Variants in NREP observed in about 807,000 individuals in gnomAD.
NREP encodes neuronal regeneration-related protein.
In NREP, 5 loss-of-function variants were observed where a neutral mutation model predicts 8.6. The ratio of observed to expected loss-of-function variants is 0.58; its 90% CI spans 0.30 to 1.22. NREP has a LOEUF of 1.22. Ranked by LOEUF, NREP falls within the 50% of genes most tolerant of loss-of-function variation. The probability of loss-of-function intolerance (pLI) is 0.07; values close to 1 mark genes in which losing one functional copy is unlikely to be tolerated. For synonymous variants in NREP, 27 were observed against 28.0 expected, an observed-to-expected ratio of 0.96 and a Z score of 0.11; for missense variants, 86 against 82.5, an observed-to-expected ratio of 1.04 and a Z score of -0.17.
At chr5:111,968,431 ACT>A (rs1756708224) in intron 2 of NREP, among the ~76,000 whole-genome samples, 1 of 152,214 alleles carries the variant, frequency 6.6e-6, no homozygotes, top group Non-Finnish European at 1.5e-5. Context: ...AAAAATGAGC[ACT>A]GTTTTAAAAT....
chr5:111,949,362 AT>A (rs5870477), intron 2 of NREP, among the ~76,000 whole-genome samples: 63,484 of 149,902 alleles, frequency 0.42, 13,734 homozygotes, highest in South Asian at 0.62. Context: ...AGCCCTAGGG[AT>A]TTTTTTTTTT....
chr5:111,973,140 C>G (rs921715834), intron 2 of NREP, among the ~76,000 whole-genome samples: 3 of 152,038 alleles, frequency 2.0e-5, no homozygotes, highest in Admixed American at 6.6e-5. Flanking sequence ...GACTTCTTTC[C>G]TCTGTATTTT....
chr5:111,769,287 C>T (rs142406588), intron 2 of NREP, among the ~76,000 whole-genome samples: 296 of 152,282 alleles, frequency 1.9e-3, no homozygotes, highest in African/African-American at 3.5e-3. Flanking sequence ...AGAGTTACAG[C>T]GGTGGACAAG....
intron 2 of NREP, among the ~76,000 whole-genome samples, chr5:111,737,921 A>G (rs1561634496): frequency 6.6e-6 from 1 of 152,116 alleles, no homozygotes; most frequent in African/African-American, 2.4e-5. Context: ...TGAATCATCA[A>G]GTAATCATTG....
chr5:111,815,363 C>A, intron 2 of NREP, among the ~76,000 whole-genome samples: 1 of 152,170 alleles, frequency 6.6e-6, no homozygotes, highest in South Asian at 2.1e-4. Context: ...ACTCTAATTT[C>A]TCTCTAGAAG....
intron 2 of NREP, among the ~76,000 whole-genome samples, chr5:111,965,075 T>C (rs988176742): frequency 2.0e-5 from 3 of 152,046 alleles, no homozygotes; most frequent in African/African-American, 7.2e-5. Flanking sequence ...CTCTCTCACT[T>C]TGCTCTCAGG....
intron 2 of NREP, among the ~76,000 whole-genome samples, chr5:111,945,254 G>T (rs573162533): frequency 6.6e-6 from 1 of 152,062 alleles, no homozygotes; most frequent in South Asian, 2.1e-4. Context: ...CATATGAGTT[G>T]ATCCTATTTG....
intron 2 of NREP, among the ~76,000 whole-genome samples, chr5:111,870,920 C>G (rs1753773987): frequency 6.6e-6 from 1 of 152,262 alleles, no homozygotes. Flanking sequence ...GACTCCAGAA[C>G]TAGTACAGTG....
intron 2 of NREP, among the ~76,000 whole-genome samples, chr5:111,854,907 A>G (rs1753392238): frequency 6.6e-6 from 1 of 152,138 alleles, no homozygotes; most frequent in Non-Finnish European, 1.5e-5. Context: ...TTTTACGTAA[A>G]TAATATTAGT....
intron 2 of NREP, among the ~76,000 whole-genome samples, chr5:111,852,086 A>AT (rs1561694151): frequency 1.3e-5 from 2 of 152,152 alleles, no homozygotes; most frequent in Admixed American, 1.3e-4. Context: ...GTAGTGCCTT[A>AT]TAAAAGAGCT....
At chr5:111,838,616 G>A (rs1207661128) in intron 2 of NREP, among the ~76,000 whole-genome samples, 4 of 151,970 alleles carry the variant, frequency 2.6e-5, no homozygotes, top group Non-Finnish European at 5.9e-5. Context: ...ATCTTCTATC[G>A]GAGGGTTTCC....
rs573945030 is a variant in NREP at position 111,891,892 on chromosome 5, A to G, written c.135+83382T>C. On this transcript the variant is annotated intron_variant, in intron 2 of 3. Coordinates refer to the NREP transcript ENST00000395634. Reference sequence around the variant, plus strand: ...CACCTCCCCTCAAGCCCCACTTCCAACTCGGGATTACATTTCAGCATGAGA... The same window carrying G: ...CACCTCCCCTCAAGCCCCACTTCCAGCTCGGGATTACATTTCAGCATGAGA... 9.9e-5 allele frequency among the ~76,000 whole-genome samples: 15 copies of G among 152,184 alleles called. No homozygotes were observed. In the East Asian group the frequency reaches 2.9e-3, roughly 29 times the overall value.
At chr5:111,965,534 C>G (rs1377866261) in intron 2 of NREP, among the ~76,000 whole-genome samples, 3 of 152,152 alleles carry the variant, frequency 2.0e-5, no homozygotes, top group Non-Finnish European at 2.9e-5. Flanking sequence ...CATAAGCTCA[C>G]CATTGCCCAG....
intron 3 of NREP, chr5:111,735,192 T>G (rs936353152): frequency 1.4e-5 from 6 of 418,416 alleles, no homozygotes; most frequent in Admixed American, 3.8e-5. Context: ...TTTGATAAAC[T>G]GATTCCATGT....
At chr5:111,825,827 G>A (rs897707726) in intron 2 of NREP, among the ~76,000 whole-genome samples, 2 of 152,126 alleles carry the variant, frequency 1.3e-5, no homozygotes, top group Admixed American at 1.3e-4. Context: ...TCTATCCGAG[G>A]CCATAGCTTA....
At chr5:111,735,569 G>C (rs1414001062) in intron 2 of NREP, 62 bp from the exon 3 acceptor site, 1 of 1,214,060 alleles carries the variant, frequency 8.2e-7, no homozygotes, top group Non-Finnish European at 1.2e-6. Context: ...GAAACTACAC[G>C]GGATAACCTT....
At chr5:111,862,181 T>C (rs781570447) in intron 2 of NREP, among the ~76,000 whole-genome samples, 1 of 152,196 alleles carries the variant, frequency 6.6e-6, no homozygotes, top group African/African-American at 2.4e-5. Flanking sequence ...TAGACAAGAA[T>C]TAAAACTCCC....
intron 2 of NREP, among the ~76,000 whole-genome samples, chr5:111,823,514 G>T (rs1000641293): frequency 4.6e-5 from 7 of 152,018 alleles, no homozygotes; most frequent in African/African-American, 1.7e-4. Context: ...ATGTCCAGTT[G>T]TTAAAATAGA....
chr5:111,868,004 G>A (rs1372580462), intron 2 of NREP, among the ~76,000 whole-genome samples: 2 of 151,588 alleles, frequency 1.3e-5, no homozygotes, highest in East Asian at 3.9e-4. Flanking sequence ...CCTATCCCTA[G>A]TCCCTGGTGT....
Sources: allele counts gnomAD v4.1 joint callset (sites outside exome capture counted in the v4.1 genomes callset), GRCh38; gene constraint gnomAD v4.1.1; transcripts MANE v1.5; gene names NCBI Gene and HGNC (gene_info 2026-07-23, HGNC 2026-07-21).